The following CACNA1B variants were observed in gnomAD, a reference collection of about 807,000 sequenced individuals.
The protein encoded by CACNA1B is calcium voltage-gated channel subunit alpha1 B.
A neutral mutation model predicts 247.2 loss-of-function variants in CACNA1B; 70 were observed. That is an observed-to-expected ratio of 0.28 (90% CI 0.23 to 0.35). The LOEUF is 0.35. Among genes scored for constraint, CACNA1B ranks in the 10% least tolerant of loss-of-function variants. The pLI is 1.00. For synonymous variants in CACNA1B, 1,231 were observed against 1,294.4 expected, an observed-to-expected ratio of 0.95 and a Z score of 1.05; for missense variants, 2,367 against 3,197.4, an observed-to-expected ratio of 0.74 and a Z score of 6.26.
chr9:137,921,552 C>T (rs1589007578), intron 6 of CACNA1B, among the ~76,000 whole-genome samples: 2 of 148,174 alleles, frequency 1.3e-5, no homozygotes, highest in African/African-American at 5.0e-5. Context: ...CGCACAGCAT[C>T]CTGGGAGCAG....
chr9:137,955,567 C>A lies in CACNA1B; in HGVS notation c.1071-131C>A. Reference sequence around the variant, plus strand: ...TTAGAAGAGGCCTGGGTGGCAGGGGCCTGCCTGAAGCAGCAGCCTGCAGCC... The same window carrying A: ...TTAGAAGAGGCCTGGGTGGCAGGGGACTGCCTGAAGCAGCAGCCTGCAGCC... On this transcript the variant is annotated intron_variant, in intron 7 of 46. Transcript: ENST00000371372. This position sits in a 1 kb window ranked among gnomAD's most constrained non-coding sequence, Gnocchi z 6.9. The A allele has an allele frequency of 6.2e-6, 4 of 646,968 alleles. No homozygotes were observed. The highest frequency in any genetic ancestry group is 1.1e-5 in the Non-Finnish European group (4 of 364,932). The allele number at this position is 646,968 out of a possible 1,614,324, so 40.1% of individuals were successfully genotyped here.
In CACNA1B at chr9:137,932,562, C is replaced by G. The variant is rs566296142; in HGVS notation, c.966+15131C>G. ...GCCCTGGTTAAAGGCTGGAAAGGATCTTGGGAAGTATCTTGAGTTGCCCCA... is the reference window on the plus strand; with the variant it reads ...GCCCTGGTTAAAGGCTGGAAAGGATGTTGGGAAGTATCTTGAGTTGCCCCA... On this transcript the variant is annotated intron_variant, in intron 6 of 46. Coordinates refer to ENST00000371372, the MANE Select transcript of CACNA1B (RefSeq NM_000718.4). Among the ~76,000 whole-genome samples, 6 of 152,306 alleles carry G rather than the reference C, an allele frequency of 3.9e-5. No individual in the cohort carries two copies. The South Asian group carries it at 1.0e-3, about 26-fold the overall frequency.
chr9:138,088,925 C>T (rs1013664910), intron 36 of CACNA1B, among the ~76,000 whole-genome samples: 8 of 133,798 alleles, frequency 6.0e-5, no homozygotes, highest in African/African-American at 2.2e-4. Context: ...CGCCATTGCA[C>T]TCCAGCCTGG....
chr9:137,899,278 A>C lies in CACNA1B; in HGVS notation c.531-13902A>C, dbSNP rs1957206050. ...ATTTTTGTATTTTTTTTTTTAGTAG[A>C]GGTGGGGTTTCACCATGTTGGCCAG... On this transcript the variant is annotated intron_variant, in intron 3 of 46. Transcript: ENST00000371372. This position sits in a 1 kb window ranked among gnomAD's most constrained non-coding sequence, Gnocchi z 5.0. Among the ~76,000 whole-genome samples, 1 of 151,220 alleles carries C rather than the reference A, an allele frequency of 6.6e-6. No individual in the cohort carries two copies. The highest frequency in any genetic ancestry group is 6.6e-5 in the Admixed American group (1 of 15,174).
Position 138,074,093 on chromosome 9 carries a change from G to C in CACNA1B, c.4857+27G>C, listed in dbSNP as rs201127182. On this transcript the variant is annotated intron_variant, in intron 34 of 46. Coordinates refer to ENST00000371372, the MANE Select transcript of CACNA1B (RefSeq NM_000718.4). Reference sequence around the variant, plus strand: ...TGGGTGCTCCCCTTTGGGACAGAGCGTGGTTCCGGCCTCCCGTGCCCTGGA... The same window carrying C: ...TGGGTGCTCCCCTTTGGGACAGAGCCTGGTTCCGGCCTCCCGTGCCCTGGA... The C allele has an allele frequency of 1.2e-5, 19 of 1,579,974 alleles. No homozygotes were observed. In the South Asian group the frequency reaches 2.0e-4, roughly 17 times the overall value.
intron 15 of CACNA1B, among the ~76,000 whole-genome samples, chr9:138,000,896 G>A (rs927409366): frequency 5.3e-5 from 8 of 152,070 alleles, no homozygotes; most frequent in African/African-American, 1.7e-4. Flanking sequence ...CCCCCCTTTC[G>A]TGTTACAATT....
intron 36 of CACNA1B, among the ~76,000 whole-genome samples, chr9:138,078,477 G>A (rs1358510747): frequency 6.6e-6 from 1 of 152,218 alleles, no homozygotes; most frequent in East Asian, 1.9e-4. Context: ...TGACATCCGT[G>A]GAAAAGGGTT....
intron 31 of CACNA1B, among the ~76,000 whole-genome samples, chr9:138,067,963 T>C (rs938262558): frequency 2.6e-5 from 4 of 152,224 alleles, no homozygotes; most frequent in African/African-American, 7.2e-5. Context: ...TTAGGGTCTC[T>C]GCTAACGTAG....
chr9:137,923,841 AG>A (rs1484707883), intron 6 of CACNA1B, among the ~76,000 whole-genome samples: 1 of 152,174 alleles, frequency 6.6e-6, no homozygotes, highest in Non-Finnish European at 1.5e-5. Flanking sequence ...CCATTCTGAT[AG>A]GGGTATAGTG....
intron 20 of CACNA1B, among the ~76,000 whole-genome samples, chr9:138,040,975 T>C (rs915154086): frequency 1.3e-5 from 2 of 152,212 alleles, no homozygotes; most frequent in African/African-American, 4.8e-5. Flanking sequence ...GGATGGAACA[T>C]AGCTTGTACC....
In CACNA1B at chr9:137,948,982, T is replaced by C. The variant is rs1395431456; in HGVS notation, c.967-3292T>C. ...GCATGTGTATGGTGTGTGTCTGTTG[T>C]GTGTCTGGTGTTTGGTGTGTGTATG... On this transcript the variant is annotated intron_variant, in intron 6 of 46. Coordinates refer to ENST00000371372, the MANE Select transcript of CACNA1B (RefSeq NM_000718.4). 2.1e-5 allele frequency among the ~76,000 whole-genome samples: 3 copies of C among 145,880 alleles called. No individual in the cohort carries two copies. In the Admixed American group the frequency reaches 2.1e-4, roughly 10 times the overall value.
chr9:137,915,283 G>A (rs1403341962), intron 5 of CACNA1B, among the ~76,000 whole-genome samples: 3 of 152,348 alleles, frequency 2.0e-5, no homozygotes, highest in South Asian at 2.1e-4. Flanking sequence ...ACAGTGGAGC[G>A]CTTTGAGTGA....
At chr9:138,092,897 G>A (rs935239931) in intron 36 of CACNA1B, among the ~76,000 whole-genome samples, 7 of 152,198 alleles carry the variant, frequency 4.6e-5, no homozygotes, top group African/African-American at 1.7e-4. Flanking sequence ...TGCACAGCCA[G>A]TGAAATAATC....
Position 137,952,588 on chromosome 9 carries a change from A to T in CACNA1B, c.1070+211A>T, listed in dbSNP as rs1236221077. Reference sequence around the variant, plus strand: ...CCTCTCGGCCCCTTATCCCTGTCATACCCCTGGCCTTTCCGTGGTCTCTGC... The same window carrying T: ...CCTCTCGGCCCCTTATCCCTGTCATTCCCCTGGCCTTTCCGTGGTCTCTGC... On this transcript the variant is annotated intron_variant, in intron 7 of 46. Transcript: ENST00000371372. This position sits in a 1 kb window ranked among gnomAD's most constrained non-coding sequence, Gnocchi z 4.8. Among the ~76,000 whole-genome samples, 1 of 151,262 alleles carries T rather than the reference A, an allele frequency of 6.6e-6. No homozygotes were observed.
chr9:138,050,524 C>T lies in CACNA1B; in HGVS notation c.3710+1209C>T, dbSNP rs1184648569. Among the ~76,000 whole-genome samples, 1 of 152,180 alleles carries T rather than the reference C, an allele frequency of 6.6e-6. No homozygotes were observed. Among genetic ancestry groups the T allele is most frequent in the African/African-American group, 2.4e-5 (1 of 41,434 alleles). On this transcript the variant is annotated intron_variant, in intron 24 of 46. Transcript: ENST00000371372. This position sits in a 1 kb window ranked among gnomAD's most constrained non-coding sequence, Gnocchi z 5.2. The stretch of plus-strand genomic sequence containing the variant: ...CAGCCCCCTGCAGTTCCCACTATTT[C>T]CTCTTTCTGTGATAAAGGAATGAGA...
rs1958149536 is a variant in CACNA1B, at chr9:137,971,556, C to T, written c.1507C>T (p.His503Tyr). ...ALNTLCVAMV[H>Y]YNQPRRLTTT... The stretch of plus-strand genomic sequence containing the variant: ...GAACACACTGTGTGTGGCCATGGTG[C>T]ATTACAACCAGCCGCGGCGGCTTAC... The change falls in exon 11 of 47, where the codon CAT becomes TAT. Residue 503 changes from histidine (H) to tyrosine (Y), a missense_variant. His to Tyr is a moderately conservative substitution (Grantham distance 83, BLOSUM62 2). Coordinates refer to ENST00000371372, the MANE Select transcript of CACNA1B (RefSeq NM_000718.4). The surrounding 1 kb of genome is among the most constrained non-coding windows in gnomAD (Gnocchi z 4.4). 6.2e-7 allele frequency: 1 copy of T among 1,613,692 alleles called. No individual in the cohort carries two copies.
rs1252286325 is a variant in CACNA1B at position 138,110,332 on chromosome 9, C to T, written c.5429-2066C>T. ...GTTTCACCATGTTGGCCAGGCTGGT[C>T]TTGAACTCCTGACCTCAAATGATCC... is the stretch of plus-strand genomic sequence containing the variant. On this transcript the variant is annotated intron_variant, in intron 39 of 46. Transcript: ENST00000371372. 3.3e-5 allele frequency among the ~76,000 whole-genome samples: 5 copies of T among 152,096 alleles called. No individual in the cohort carries two copies. The East Asian group carries it at 9.7e-4, about 30-fold the overall frequency.
intron 3 of CACNA1B, among the ~76,000 whole-genome samples, chr9:137,885,206 C>A (rs1956992956): frequency 6.6e-6 from 1 of 151,604 alleles, no homozygotes; most frequent in African/African-American, 2.4e-5. Context: ...GTGCAGGGAA[C>A]CCCGGGTTGG....
At chr9:138,025,298 G>A in intron 20 of CACNA1B, 126 bp downstream of exon 20, 1 of 651,686 alleles carries the variant, frequency 1.5e-6, no homozygotes, top group East Asian at 2.7e-5. Flanking sequence ...CTCCTGGCTG[G>A]AGAGAGAGTC....
Sources: allele counts gnomAD v4.1 joint callset (sites outside exome capture counted in the v4.1 genomes callset), GRCh38; gene constraint gnomAD v4.1.1; non-coding constraint Gnocchi (gnomAD v3.1); transcripts MANE v1.5; gene names NCBI Gene and HGNC (gene_info 2026-07-23, HGNC 2026-07-21).